Variants in PRKG1 observed in about 807,000 individuals in gnomAD.
The protein encoded by PRKG1 is cGMP-dependent protein kinase 1.
PRKG1 carries 35 observed loss-of-function variants against 88.1 expected under a neutral mutation model. The ratio of observed to expected loss-of-function variants is 0.40; its 90% CI spans 0.30 to 0.53. The LOEUF is 0.53. PRKG1 is among the 20% of genes least tolerant of loss of function. The pLI is 0.59. For missense variants in PRKG1, 540 were observed against 839.8 expected (o/e 0.64, Z 4.41); for synonymous variants, 303 against 292.5 (o/e 1.04, Z -0.37).
At chr10:51,977,978 G>A (rs577464225) in intron 5 of PRKG1, among the ~76,000 whole-genome samples, 1 of 152,110 alleles carries the variant, frequency 6.6e-6, no homozygotes, top group African/African-American at 2.4e-5. Context: ...AGTTTAATTA[G>A]ATCCCATTTG....
intron 2 of PRKG1, among the ~76,000 whole-genome samples, chr10:51,407,235 C>T (rs1210898795): frequency 2.0e-5 from 3 of 152,140 alleles, no homozygotes; most frequent in African/African-American, 7.2e-5. Flanking sequence ...ATCACAAGTC[C>T]ACCCCTTGTC....
At chr10:52,070,932 T>G (rs1846480905) in intron 7 of PRKG1, among the ~76,000 whole-genome samples, 1 of 152,222 alleles carries the variant, frequency 6.6e-6, no homozygotes, top group Non-Finnish European at 1.5e-5. Context: ...GTGATCTTGT[T>G]GATGTTCATC....
intron 3 of PRKG1, among the ~76,000 whole-genome samples, chr10:51,645,758 C>G (rs80157171): frequency 6.0e-4 from 92 of 152,194 alleles, no homozygotes; most frequent in African/African-American, 2.0e-3. Flanking sequence ...AGTGAAACTT[C>G]AGATACATCA....
At chr10:51,564,834 CT>C (rs1193095801) in intron 3 of PRKG1, among the ~76,000 whole-genome samples, 2 of 152,056 alleles carry the variant, frequency 1.3e-5, no homozygotes, top group Non-Finnish European at 2.9e-5. Flanking sequence ...GTAACTTTCT[CT>C]CATAATTGTG....
At chr10:51,438,365 A>G (rs1349425430) in intron 2 of PRKG1, among the ~76,000 whole-genome samples, 1 of 151,950 alleles carries the variant, frequency 6.6e-6, no homozygotes, top group East Asian at 1.9e-4. Flanking sequence ...GTTTTTAACT[A>G]ATGTCTTTTT....
At position 51,346,394 on chromosome 10, in the gene PRKG1, T is replaced by C. The variant is rs1842115073; in HGVS notation, c.479-121329T>C. 2.0e-5 allele frequency among the ~76,000 whole-genome samples: 3 copies of C among 152,252 alleles called. No individual in the cohort carries two copies. In the South Asian group the frequency reaches 6.2e-4, roughly 32 times the overall value. On this transcript the variant is annotated intron_variant, in intron 2 of 17. Coordinates refer to ENST00000373980, the MANE Select transcript of PRKG1 (RefSeq NM_006258.4). ...TGTATTATACACTTAATTATTTTAA[T>C]GCTTTCAACATTCTAGTGAGAGTTA...
chr10:52,210,368 C>T (rs781383954), intron 9 of PRKG1, among the ~76,000 whole-genome samples: 1 of 151,782 alleles, frequency 6.6e-6, no homozygotes, highest in Non-Finnish European at 1.5e-5. Context: ...CAGCTGCACC[C>T]TCCTATTCCT....
At chr10:51,968,502 C>T (rs367862744) in intron 5 of PRKG1, among the ~76,000 whole-genome samples, 101 of 151,926 alleles carry the variant, frequency 6.6e-4, no homozygotes, top group African/African-American at 1.7e-3. Context: ...TGCTGAGTGG[C>T]GATGGTGATG....
intron 10 of PRKG1, among the ~76,000 whole-genome samples, chr10:52,259,325 A>G (rs907733456): frequency 5.9e-5 from 9 of 152,182 alleles, no homozygotes; most frequent in Admixed American, 1.3e-4. Context: ...TGCAGTCTGC[A>G]TTCCTGAAAA....
intron 2 of PRKG1, among the ~76,000 whole-genome samples, chr10:51,393,100 GACGGGGCGGTTGCCGGGCGGAGGGT>G (rs1178260873): frequency 1.0e-4 from 9 of 87,678 alleles, no homozygotes; most frequent in Non-Finnish European, 1.9e-4. Flanking sequence ...TCACTTCTCA[GACGGGGCGGTTGCCGGGCGGAGGGT>G]CTCCTCACTT....
At chr10:51,970,031 CACACACACACACACACACA>C (rs1564733381) in intron 5 of PRKG1, among the ~76,000 whole-genome samples, 8 of 149,478 alleles carry the variant, frequency 5.4e-5, no homozygotes, top group Non-Finnish European at 1.0e-4. Context: ...CACACACACA[CACACACACACACACACACA>C]CCCATATTTA....
intron 3 of PRKG1, among the ~76,000 whole-genome samples, chr10:51,785,854 A>G (rs1005530767): frequency 6.6e-6 from 1 of 152,192 alleles, no homozygotes; most frequent in Non-Finnish European, 1.5e-5. Context: ...GAGATATCTC[A>G]TTCAGCCAAT....
At chr10:51,022,258 C>T (rs997098163) in intron 1 of PRKG1, among the ~76,000 whole-genome samples, 2 of 152,076 alleles carry the variant, frequency 1.3e-5, no homozygotes, top group East Asian at 1.9e-4. Context: ...TGCATGGGGG[C>T]CTCAGGTCTG....
chr10:51,997,211 A>T (rs1844469495), intron 5 of PRKG1, among the ~76,000 whole-genome samples: 1 of 151,962 alleles, frequency 6.6e-6, no homozygotes, highest in Admixed American at 6.6e-5. Flanking sequence ...GGTGGCTCAC[A>T]TCTGTAATCC....
intron 2 of PRKG1, among the ~76,000 whole-genome samples, chr10:51,162,330 T>C (rs1846385250): frequency 6.6e-6 from 1 of 151,990 alleles, no homozygotes; most frequent in Non-Finnish European, 1.5e-5. Context: ...CAGGCTGTAA[T>C]TGCACCTACT....
At chr10:51,133,115 C>T (rs1268600127) in intron 1 of PRKG1, among the ~76,000 whole-genome samples, 1 of 152,014 alleles carries the variant, frequency 6.6e-6, no homozygotes, top group East Asian at 1.9e-4. Context: ...ATGGATAATC[C>T]TTTCCTAAGA....
At chr10:51,409,664 T>C (rs1838022361) in intron 2 of PRKG1, among the ~76,000 whole-genome samples, 2 of 151,548 alleles carry the variant, frequency 1.3e-5, no homozygotes, top group South Asian at 4.2e-4. Flanking sequence ...ATCATCCTGG[T>C]CTACATGGTG....
upstream of PRKG1, among the ~76,000 whole-genome samples, chr10:51,073,815 A>G (rs918674310): frequency 3.9e-5 from 6 of 152,098 alleles, no homozygotes; most frequent in Non-Finnish European, 7.4e-5. Context: ...CCTGAGAGGC[A>G]AGTTTCTTCG....
intron 2 of PRKG1, among the ~76,000 whole-genome samples, chr10:51,382,966 G>A (rs908909134): frequency 6.6e-6 from 1 of 152,048 alleles, no homozygotes; most frequent in Non-Finnish European, 1.5e-5. Context: ...CCCACACCTA[G>A]ACCAAACACC....
Sources: allele counts gnomAD v4.1 joint callset (sites outside exome capture counted in the v4.1 genomes callset), GRCh38; gene constraint gnomAD v4.1.1; transcripts MANE v1.5; gene names NCBI Gene and HGNC (gene_info 2026-07-23, HGNC 2026-07-21).